Variants in ZNF385D observed in about 807,000 individuals in gnomAD.
ZNF385D encodes the protein zinc finger protein 385D.
Under a neutral mutation model 35.8 loss-of-function variants are expected in ZNF385D, and 15 were observed. That is an observed-to-expected ratio of 0.42 (90% CI 0.28 to 0.64). The LOEUF (loss-of-function observed/expected upper bound fraction) is 0.64, where lower values mean the gene tolerates loss of function less well. Ranked by LOEUF, ZNF385D falls within the 30% of genes least tolerant of loss-of-function variation. The pLI is 0.23. For missense variants in ZNF385D, 474 were observed against 494.6 expected (o/e 0.96, Z 0.39); for synonymous variants, 212 against 186.8 (o/e 1.13, Z -1.10).
intron 2 of ZNF385D, among the ~76,000 whole-genome samples, chr3:21,659,568 C>G (rs2066173249): frequency 1.3e-5 from 2 of 152,028 alleles, no homozygotes; most frequent in Admixed American, 1.3e-4. Context: ...TTTCTGGAAG[C>G]TAAAATATAA....
At chr3:22,048,317 C>A (rs1420110378) in intron 3 of ZNF385D, among the ~76,000 whole-genome samples, 1 of 151,942 alleles carries the variant, frequency 6.6e-6, no homozygotes, top group Non-Finnish European at 1.5e-5. Flanking sequence ...GGGCCATATT[C>A]AAAAAAATCA....
rs1011935731 is a variant in ZNF385D at position 21,787,410 on chromosome 3, T to C, written c.326-122382A>G. 4.6e-5 allele frequency among the ~76,000 whole-genome samples: 7 copies of C among 152,238 alleles called. No homozygotes were observed. The East Asian group carries it at 1.4e-3, about 29-fold the overall frequency. On this transcript the variant is annotated intron_variant, in intron 3 of 5. Coordinates refer to the ZNF385D transcript ENST00000494108. The stretch of plus-strand genomic sequence containing the variant: ...CTAAAACAAAAATAGATGTATTTAG[T>C]TAAAGTCTAAAAACTAAATGGGAAT...
intron 3 of ZNF385D, among the ~76,000 whole-genome samples, chr3:21,549,628 G>A (rs181596057): frequency 1.3e-5 from 2 of 152,300 alleles, no homozygotes; most frequent in East Asian, 3.9e-4. Context: ...TGACCTGACA[G>A]CCCAACTGAA....
At chr3:22,328,257 G>C (rs759059610) in intron 2 of ZNF385D, among the ~76,000 whole-genome samples, 1 of 151,302 alleles carries the variant, frequency 6.6e-6, no homozygotes, top group Non-Finnish European at 1.5e-5. Flanking sequence ...TATTTTTCTG[G>C]AGTCCTTTTT....
At chr3:21,625,671 A>G (rs555784460) in intron 2 of ZNF385D, among the ~76,000 whole-genome samples, 1 of 152,216 alleles carries the variant, frequency 6.6e-6, no homozygotes, top group South Asian at 2.1e-4. Context: ...TTGAGACACA[A>G]AAAAAGTCAT....
intron 1 of ZNF385D, among the ~76,000 whole-genome samples, chr3:21,702,859 A>G (rs1488374028): frequency 6.6e-6 from 1 of 152,180 alleles, no homozygotes; most frequent in African/African-American, 2.4e-5. Context: ...CCTCATCTCC[A>G]TCTGAGACCA....
intron 2 of ZNF385D, among the ~76,000 whole-genome samples, chr3:22,238,658 C>T (rs1553634776): frequency 2.0e-5 from 3 of 150,750 alleles, no homozygotes; most frequent in Non-Finnish European, 4.4e-5. Flanking sequence ...TTACAGAACT[C>T]ATTTATTAGC....
At chr3:21,827,522 G>A (rs979395965) in intron 3 of ZNF385D, among the ~76,000 whole-genome samples, 16 of 152,064 alleles carry the variant, frequency 1.1e-4, no homozygotes, top group South Asian at 2.1e-4. Flanking sequence ...TTACTTATAC[G>A]TCAAGATGCC....
intron 3 of ZNF385D, among the ~76,000 whole-genome samples, chr3:21,762,983 T>C (rs184669184): frequency 3.0e-4 from 45 of 152,224 alleles, no homozygotes; most frequent in Non-Finnish European, 5.7e-4. Flanking sequence ...CATGCTAATC[T>C]CCATCAGTGT....
chr3:21,666,541 T>C (rs1335619446), intron 1 of ZNF385D, among the ~76,000 whole-genome samples: 1 of 152,116 alleles, frequency 6.6e-6, no homozygotes, highest in Non-Finnish European at 1.5e-5. Context: ...AGGGCAGATG[T>C]CAAAACAAGT....
At chr3:21,596,640 C>CT (rs34205074) in intron 2 of ZNF385D, among the ~76,000 whole-genome samples, 1,492 of 134,328 alleles carry the variant, frequency 0.011, 17 homozygotes, top group African/African-American at 0.016. Context: ...TCATGCTTGA[C>CT]TTTTTTTTTT....
chr3:21,932,143 G>C (rs1701041283), intron 3 of ZNF385D, among the ~76,000 whole-genome samples: 1 of 107,650 alleles, frequency 9.3e-6, no homozygotes, highest in Non-Finnish European at 1.8e-5. Context: ...CTCCGGCCTG[G>C]GCGAAAGAGC....
intron 3 of ZNF385D, among the ~76,000 whole-genome samples, chr3:21,928,607 A>T (rs960552792): frequency 1.3e-5 from 2 of 152,218 alleles, no homozygotes; most frequent in African/African-American, 2.4e-5. Flanking sequence ...TAGCTATGTT[A>T]AAAAGGAAAA....
chr3:22,082,770 G>C (rs766768697), intron 3 of ZNF385D, among the ~76,000 whole-genome samples: 1 of 152,176 alleles, frequency 6.6e-6, no homozygotes, highest in Non-Finnish European at 1.5e-5. Flanking sequence ...CCTAACCCCC[G>C]TGTAGCCTAA....
At chr3:22,286,590 G>A (rs1291860192) in intron 2 of ZNF385D, among the ~76,000 whole-genome samples, 1 of 152,078 alleles carries the variant, frequency 6.6e-6, no homozygotes, top group African/African-American at 2.4e-5. Flanking sequence ...AAGGCGATAT[G>A]TGGTGTTTTC....
intron 2 of ZNF385D, among the ~76,000 whole-genome samples, chr3:22,273,116 T>C (rs1273532592): frequency 1.3e-5 from 2 of 151,908 alleles, no homozygotes; most frequent in Non-Finnish European, 2.9e-5. Context: ...AAAAGAATCA[T>C]TTTACAGAGT....
At chr3:22,162,824 C>A (rs1706051703) in intron 3 of ZNF385D, among the ~76,000 whole-genome samples, 1 of 152,128 alleles carries the variant, frequency 6.6e-6, no homozygotes, top group African/African-American at 2.4e-5. Flanking sequence ...AGAGATGAAC[C>A]TTCAGAGAGA....
chr3:21,858,532 G>T (rs1363159166), intron 3 of ZNF385D, among the ~76,000 whole-genome samples: 3 of 150,558 alleles, frequency 2.0e-5, no homozygotes, highest in Non-Finnish European at 2.9e-5. Context: ...AGGACCCAAA[G>T]AATTTGTTTG....
rs185687891 is a variant in ZNF385D at position 21,995,078 on chromosome 3, C to T, written c.325+173739G>A. On this transcript the variant is annotated intron_variant, in intron 3 of 5. Coordinates refer to the ZNF385D transcript ENST00000494108. ...CAATGGGCCAAATAAGTGGATAGGT[C>T]GTCAGGCCCCTGGGCAGTGTGCATG... Among the ~76,000 whole-genome samples the T allele has an allele frequency of 1.1e-4, 16 of 152,266 alleles. No individual in the cohort carries two copies. The East Asian group carries it at 2.5e-3, about 24-fold the overall frequency.
Sources: allele counts gnomAD v4.1 joint callset (sites outside exome capture counted in the v4.1 genomes callset), GRCh38; gene constraint gnomAD v4.1.1; transcripts MANE v1.5; gene names NCBI Gene and HGNC (gene_info 2026-07-23, HGNC 2026-07-21).